DLG2: variants seen among roughly 807,000 people sequenced by gnomAD.
The protein encoded by DLG2 is discs large MAGUK scaffold protein 2, also known as disks large homolog 2.
In DLG2, 45 loss-of-function variants were observed where a neutral mutation model predicts 132.5. The ratio of observed to expected loss-of-function variants is 0.34; its 90% CI spans 0.27 to 0.44. DLG2 has a LOEUF of 0.44. Ranked by LOEUF, DLG2 falls within the 20% of genes least tolerant of loss-of-function variation. DLG2 has a pLI of 1.00. For missense variants in DLG2, 1,045 were observed against 1,196.9 expected (o/e 0.87, Z 1.87); for synonymous variants, 424 against 419.6 (o/e 1.01, Z -0.13).
rs527503839 is a variant in DLG2 at position 84,295,769 on chromosome 11, T to TG, written c.520-44479dup. On this transcript the variant is annotated intron_variant, in intron 7 of 27. Coordinates refer to ENST00000376104, the MANE Select transcript of DLG2 (RefSeq NM_001142699.3). The stretch of plus-strand genomic sequence containing the variant: ...GTGAAATTCAAACATGAATTCACAT[T>TG]GGGGGGGTCAGATCACTTGATATAA... Among the ~76,000 whole-genome samples the TG allele has an allele frequency of 3.5e-4, 53 of 152,056 alleles. 1 individual carries two copies. The highest frequency in any genetic ancestry group is 5.7e-4 in the Non-Finnish European group (39 of 68,008).
At chr11:85,506,773 G>C (rs1327937091) in intron 3 of DLG2, among the ~76,000 whole-genome samples, 3 of 152,174 alleles carry the variant, frequency 2.0e-5, no homozygotes, top group Admixed American at 6.6e-5. Context: ...GGATATCCTT[G>C]TTAACTTTCT....
intron 3 of DLG2, among the ~76,000 whole-genome samples, chr11:85,405,400 T>C (rs2088628010): frequency 6.6e-6 from 1 of 151,928 alleles, no homozygotes; most frequent in Non-Finnish European, 1.5e-5. Context: ...TTTCAGGTAA[T>C]AACAGTTAAA....
chr11:85,345,798 A>G (rs1248627865), intron 3 of DLG2, among the ~76,000 whole-genome samples: 1 of 152,104 alleles, frequency 6.6e-6, no homozygotes, highest in Non-Finnish European at 1.5e-5. Flanking sequence ...GTTACCCCAA[A>G]GAGCACAGCT....
At chr11:83,630,070 T>A (rs2063302632) in intron 19 of DLG2, among the ~76,000 whole-genome samples, 1 of 152,050 alleles carries the variant, frequency 6.6e-6, no homozygotes, top group African/African-American at 2.4e-5. Flanking sequence ...ACCACTAAAG[T>A]ACTTCAAGCA....
intron 7 of DLG2, among the ~76,000 whole-genome samples, chr11:84,462,290 G>T (rs762474034): frequency 1.3e-5 from 2 of 150,926 alleles, no homozygotes; most frequent in Non-Finnish European, 3.0e-5. Context: ...CATGCAAGAG[G>T]TCCTATATCT....
At chr11:85,391,554 C>G (rs915637280) in intron 3 of DLG2, among the ~76,000 whole-genome samples, 1 of 152,022 alleles carries the variant, frequency 6.6e-6, no homozygotes, top group African/African-American at 2.4e-5. Flanking sequence ...TACTAGCTAA[C>G]AGAATCCAAC....
intron 12 of DLG2, among the ~76,000 whole-genome samples, chr11:83,978,317 C>T (rs2092463229): frequency 6.6e-6 from 1 of 151,846 alleles, no homozygotes; most frequent in Non-Finnish European, 1.5e-5. Flanking sequence ...CATATGGAAC[C>T]GTGAGTCAAA....
intron 22 of DLG2, among the ~76,000 whole-genome samples, chr11:83,478,990 T>TAAAG (rs1174864018): frequency 5.9e-5 from 9 of 152,142 alleles, no homozygotes; most frequent in Admixed American, 1.3e-4. Context: ...TATAAAAGTA[T>TAAAG]AAAGAATGTA....
intron 6 of DLG2, among the ~76,000 whole-genome samples, chr11:84,788,232 G>C (rs770302161): frequency 6.6e-6 from 1 of 151,800 alleles, no homozygotes; most frequent in Non-Finnish European, 1.5e-5. Context: ...CACAAATAAT[G>C]GGGGTCTTTC....
chr11:83,790,259 A>G (rs2041179042), intron 17 of DLG2: 2 of 921,348 alleles, frequency 2.2e-6, no homozygotes, highest in Non-Finnish European at 3.6e-6. Flanking sequence ...ATAAAAGCTA[A>G]ACCTACCATT....
intron 13 of DLG2, 138 bp from the exon 14 acceptor site, chr11:83,963,161 GA>G: frequency 8.2e-6 from 7 of 849,114 alleles, no homozygotes; most frequent in Non-Finnish European, 1.3e-5. Flanking sequence ...CCAGAGGGGG[GA>G]GTTGCAGCTT....
intron 7 of DLG2, among the ~76,000 whole-genome samples, chr11:84,388,541 C>A (rs1445889725): frequency 6.6e-6 from 1 of 151,896 alleles, no homozygotes; most frequent in Non-Finnish European, 1.5e-5. Flanking sequence ...TTTATAGATT[C>A]CTAATTTATT....
chr11:84,544,767 A>C (rs2099386258), intron 6 of DLG2, among the ~76,000 whole-genome samples: 1 of 152,182 alleles, frequency 6.6e-6, no homozygotes. Flanking sequence ...GCTGCTTGGC[A>C]AATGTAATGC....
At chr11:84,540,082 A>C (rs1301086253) in intron 6 of DLG2, among the ~76,000 whole-genome samples, 1 of 152,192 alleles carries the variant, frequency 6.6e-6, no homozygotes, top group Non-Finnish European at 1.5e-5. Flanking sequence ...TAAAACCATA[A>C]AAACCCTAGA....
At chr11:83,650,912 T>A (rs993775520) in intron 18 of DLG2, among the ~76,000 whole-genome samples, 6 of 152,204 alleles carry the variant, frequency 3.9e-5, no homozygotes, top group African/African-American at 1.4e-4. Flanking sequence ...TTTATTCTTA[T>A]CTGCATGGCA....
At chr11:85,020,936 C>G in intron 6 of DLG2, 1 of 773,818 alleles carries the variant, frequency 1.3e-6, no homozygotes, top group South Asian at 1.3e-5. Flanking sequence ...CGCCCTCAGA[C>G]TCCAACTTCA....
In DLG2 at chr11:85,035,636, G is replaced by T. The variant is rs897652046; in HGVS notation, c.357+76025C>A. On this transcript the variant is annotated intron_variant, in intron 6 of 27. Transcript: ENST00000376104. ...TACGGTTCACAATGAGATTTTGATG[G>T]GATACAGAGCCAAATCGTATCAGAT... Among the ~76,000 whole-genome samples, 5 of 151,990 alleles carry T rather than the reference G, an allele frequency of 3.3e-5. No homozygotes were observed. The East Asian group carries it at 5.8e-4, about 18-fold the overall frequency.
At chr11:84,509,279 A>G (rs1259434186) in intron 7 of DLG2, among the ~76,000 whole-genome samples, 1 of 152,216 alleles carries the variant, frequency 6.6e-6, no homozygotes, top group Non-Finnish European at 1.5e-5. Context: ...AAGAAGCAAC[A>G]AATAAGATGG....
chr11:85,256,161 T>C (rs1452394638), intron 4 of DLG2, among the ~76,000 whole-genome samples: 2 of 151,858 alleles, frequency 1.3e-5, no homozygotes, highest in African/African-American at 2.4e-5. Context: ...CCTGTACCCA[T>C]ATAAACCCCA....
Sources: allele counts gnomAD v4.1 joint callset (sites outside exome capture counted in the v4.1 genomes callset), GRCh38; gene constraint gnomAD v4.1.1; transcripts MANE v1.5; gene names NCBI Gene and HGNC (gene_info 2026-07-23, HGNC 2026-07-21).